The following CORIN variants were observed in gnomAD, a reference collection of about 807,000 sequenced individuals.
CORIN encodes corin, serine peptidase, also known as atrial natriuretic peptide-converting enzyme.
In CORIN, 117 loss-of-function variants were observed where a neutral mutation model predicts 125.3. The observed-to-expected ratio is 0.93, with a 90% CI of 0.80 to 1.09. The LOEUF (loss-of-function observed/expected upper bound fraction) is 1.09. Among genes scored for constraint, CORIN ranks in the 50% least tolerant of loss-of-function variants. The pLI is 0.00. For missense variants in CORIN, 1,253 were observed against 1,306.7 expected, an observed-to-expected ratio of 0.96 and a Z score of 0.63; for synonymous variants, 450 against 466.4, an observed-to-expected ratio of 0.96 and a Z score of 0.45.
At chr4:47,715,427 C>T (rs555363904) in intron 5 of CORIN, among the ~76,000 whole-genome samples, 2 of 152,002 alleles carry the variant, frequency 1.3e-5, no homozygotes, top group South Asian at 2.1e-4. Flanking sequence ...GGCAACATGG[C>T]GAAACCTCGT....
intron 5 of CORIN, 39 bp downstream of exon 5, chr4:47,744,363 T>G (rs1267144630): frequency 2.5e-6 from 4 of 1,577,994 alleles, no homozygotes; most frequent in Non-Finnish European, 3.5e-6. Context: ...CATACTCAAA[T>G]AAAATCTTCT....
At chr4:47,756,670 A>G (rs61762937) in intron 4 of CORIN, among the ~76,000 whole-genome samples, 1,835 of 152,342 alleles carry the variant, frequency 0.012, 21 homozygotes, top group Middle Eastern at 0.031. Flanking sequence ...AAATTGCTCT[A>G]GATATTAAGA....
chr4:47,744,657 A>T, intron 4 of CORIN, 74 bp from the exon 5 acceptor site: 2 of 1,371,612 alleles, frequency 1.5e-6, no homozygotes, highest in Non-Finnish European at 2.0e-6. Flanking sequence ...GTGAAATTAA[A>T]GTTAGCCCCT....
chr4:47,609,714 GC>G (rs1377129436), intron 19 of CORIN, among the ~76,000 whole-genome samples: 1 of 152,032 alleles, frequency 6.6e-6, no homozygotes. Context: ...TAGGTATTAA[GC>G]CCAGCATCCA....
chr4:47,621,052 T>C (rs1722289465), intron 19 of CORIN, among the ~76,000 whole-genome samples: 1 of 152,210 alleles, frequency 6.6e-6, no homozygotes. Context: ...TATTACTTCA[T>C]TTAAATAAAG....
intron 3 of CORIN, among the ~76,000 whole-genome samples, chr4:47,773,188 T>C (rs1730140191): frequency 6.6e-6 from 1 of 152,232 alleles, no homozygotes; most frequent in South Asian, 2.1e-4. Context: ...AGAAATTATT[T>C]GTTTTTCATG....
At chr4:47,679,864 A>G (rs1725183937) in intron 8 of CORIN, 1 of 293,018 alleles carries the variant, frequency 3.4e-6, no homozygotes, top group South Asian at 4.8e-5. Flanking sequence ...TAAAAGAGAC[A>G]TATGGAGCAA....
At chr4:47,811,771 C>A (rs1732073898) in intron 1 of CORIN, among the ~76,000 whole-genome samples, 1 of 152,106 alleles carries the variant, frequency 6.6e-6, no homozygotes, top group Non-Finnish European at 1.5e-5. Context: ...CTCAGCACAC[C>A]TAGTATTTTT....
chr4:47,654,145 C>T (rs1723858007), intron 12 of CORIN, among the ~76,000 whole-genome samples: 1 of 152,200 alleles, frequency 6.6e-6, no homozygotes, highest in South Asian at 2.1e-4. Context: ...AGTATAAAAG[C>T]ATCCATACAT....
intron 4 of CORIN, among the ~76,000 whole-genome samples, chr4:47,746,340 A>G (rs979853478): frequency 6.6e-6 from 1 of 152,230 alleles, no homozygotes; most frequent in Non-Finnish European, 1.5e-5. Flanking sequence ...GATGAGTAAT[A>G]GGTGTTATTA....
chr4:47,749,190 A>G (rs1728790158), intron 4 of CORIN, among the ~76,000 whole-genome samples: 1 of 151,886 alleles, frequency 6.6e-6, no homozygotes, highest in Non-Finnish European at 1.5e-5. Flanking sequence ...GCTTCCTGGT[A>G]TTCATGCCCT....
chr4:47,626,573 C>G (rs776052629), intron 16 of CORIN, 52 bp from the exon 17 acceptor site: 1 of 1,067,464 alleles, frequency 9.4e-7, no homozygotes. Flanking sequence ...GATCTTTGAA[C>G]AGGCATTATC....
In CORIN at chr4:47,626,509, C is replaced by T. The variant is rs1317837062; in HGVS notation, c.2211G>A (p.Val737=). The T allele has an allele frequency of 3.7e-6, 6 of 1,611,816 alleles. No homozygotes were observed. The highest frequency in any genetic ancestry group is 5.1e-6 in the Non-Finnish European group (6 of 1,178,092). The change falls in exon 17 of 22, where the codon GTG becomes GTA. Residue 737 remains valine, a synonymous_variant. Transcript: ENST00000273857. ...CKQMGLGEPS[V]TKLIQEQEKE... ...TCTCCTGTTCCTGTATCAATTTGGT[C>T]ACAGATGGTTCTCTGATACAAGGCA...
intron 1 of CORIN, chr4:47,837,657 C>G: frequency 3.1e-6 from 2 of 635,684 alleles, no homozygotes; most frequent in Non-Finnish European, 5.6e-6. Flanking sequence ...CTGGGAGGGT[C>G]TCGGACGCCG....
At chr4:47,705,725 A>G (rs1416104220) in intron 5 of CORIN, among the ~76,000 whole-genome samples, 1 of 152,216 alleles carries the variant, frequency 6.6e-6, no homozygotes, top group Non-Finnish European at 1.5e-5. Context: ...TTCAAATTTC[A>G]GCAAAAGGGA....
intron 5 of CORIN, among the ~76,000 whole-genome samples, chr4:47,732,937 C>T (rs180853313): frequency 6.6e-5 from 10 of 152,236 alleles, no homozygotes; most frequent in Admixed American, 2.0e-4. Context: ...TCGCGTCTCT[C>T]CCAAATGTAC....
chr4:47,809,055 GAGAGA>G (rs1731931105), intron 1 of CORIN, among the ~76,000 whole-genome samples: 1 of 152,192 alleles, frequency 6.6e-6, no homozygotes, highest in Admixed American at 6.5e-5. Context: ...AGACATTGTA[GAGAGA>G]GCAACCCTGA....
chr4:47,637,712 T>C (rs1454985733), intron 16 of CORIN, among the ~76,000 whole-genome samples: 2 of 152,172 alleles, frequency 1.3e-5, no homozygotes, highest in African/African-American at 4.8e-5. Context: ...TGTGTGGAAA[T>C]GCCTGGATGC....
At chr4:47,678,197 T>TTTCTAGAA in intron 8 of CORIN, 143 bp from the exon 9 acceptor site, 1 of 643,872 alleles carries the variant, frequency 1.6e-6, no homozygotes, top group Non-Finnish European at 2.8e-6. Flanking sequence ...ATTGATTTTA[T>TTTCTAGAA]TTCTAGAATT....
Sources: gnomAD v4.1 joint callset for allele counts (sites outside exome capture counted in the v4.1 genomes callset) on GRCh38, gnomAD v4.1.1 for gene constraint, MANE v1.5 for transcripts, NCBI Gene and HGNC (gene_info 2026-07-23, HGNC 2026-07-21) for gene names.